The following CREB5 variants were observed in gnomAD, a reference collection of about 807,000 sequenced individuals.
The protein encoded by CREB5 is cAMP responsive element binding protein 5.
A neutral mutation model predicts 57.1 loss-of-function variants in CREB5; 19 were observed. The ratio of observed to expected loss-of-function variants is 0.33; its 90% CI spans 0.23 to 0.49. The LOEUF (loss-of-function observed/expected upper bound fraction) is 0.49, where lower values mean the gene tolerates loss of function less well. CREB5 is among the 20% of genes least tolerant of loss of function. The pLI, the probability that CREB5 is intolerant of heterozygous loss-of-function variation, is 0.99. For missense variants in CREB5, 579 were observed against 671.6 expected, an observed-to-expected ratio of 0.86 and a Z score of 1.52; for synonymous variants, 238 against 238.3, an observed-to-expected ratio of 1.00 and a Z score of 0.01.
intron 1 of CREB5, among the ~76,000 whole-genome samples, chr7:28,310,905 G>C (rs1785263764): frequency 6.6e-6 from 1 of 152,106 alleles, no homozygotes; most frequent in African/African-American, 2.4e-5. Context: ...ATTGTCTCAA[G>C]AATATCTGTT....
intron 5 of CREB5, among the ~76,000 whole-genome samples, chr7:28,715,415 A>G (rs1420420647): frequency 6.6e-6 from 1 of 152,228 alleles, no homozygotes; most frequent in Non-Finnish European, 1.5e-5. Flanking sequence ...GGGACAATAA[A>G]ATGCCTTTAA....
At chr7:28,783,266 C>T (rs574776712) in intron 7 of CREB5, among the ~76,000 whole-genome samples, 1 of 152,136 alleles carries the variant, frequency 6.6e-6, no homozygotes, top group African/African-American at 2.4e-5. Flanking sequence ...TCAGTGGCAC[C>T]ATTTTCGTGT....
intron 4 of CREB5, among the ~76,000 whole-genome samples, chr7:28,561,035 T>TGCGTGCGTGTGCGTGC (rs1562798715): frequency 1.1e-5 from 1 of 87,768 alleles, no homozygotes; most frequent in Non-Finnish European, 2.7e-5. Flanking sequence ...CGTGTGTGTG[T>TGCGTGCGTGTGCGTGC]GTGTGTGTGA....
At chr7:28,487,502 C>T (rs534195165) in intron 1 of CREB5, among the ~76,000 whole-genome samples, 43 of 152,278 alleles carry the variant, frequency 2.8e-4, no homozygotes, top group African/African-American at 9.9e-4. Context: ...AAATATCCAA[C>T]GTTATGTTTT....
chr7:28,701,641 T>G (rs1236930678), intron 5 of CREB5, among the ~76,000 whole-genome samples: 1 of 152,200 alleles, frequency 6.6e-6, no homozygotes, highest in Non-Finnish European at 1.5e-5. Flanking sequence ...TTTGAAAAAT[T>G]ACCTAGTCAG....
rs1809641464 is a variant in CREB5 at position 28,819,503 on chromosome 7, T to G, written c.*224T>G. On this transcript the variant is annotated 3_prime_UTR_variant, in exon 11 of 11. Transcript: ENST00000357727. ...TCTATCAGCTTGGGAAACGCTTTGG[T>G]GCTTTTCTCCAGTTTTCTGGTACCA... The G allele has an allele frequency of 4.2e-6, 2 of 471,728 alleles. No individual in the cohort carries two copies. Among genetic ancestry groups the G allele is most frequent in the Admixed American group, 4.0e-5 (1 of 25,296 alleles). The allele number at this position is 471,728 out of a possible 1,614,324, so 29.2% of individuals were successfully genotyped here. A position where few individuals can be genotyped will look rare whatever the true frequency, so the allele number is the denominator to read the frequency against.
chr7:28,662,047 A>G (rs965338346), intron 5 of CREB5, among the ~76,000 whole-genome samples: 2 of 152,202 alleles, frequency 1.3e-5, no homozygotes. Flanking sequence ...CCTGGGGACA[A>G]GGTGCTTGCC....
chr7:28,504,867 G>A (rs888144741), intron 3 of CREB5, among the ~76,000 whole-genome samples: 5 of 152,162 alleles, frequency 3.3e-5, no homozygotes, highest in East Asian at 3.9e-4. Context: ...CCTTTGCAAC[G>A]TTTGTCATAT....
At chr7:28,303,475 G>T (rs1785136463) in intron 1 of CREB5, among the ~76,000 whole-genome samples, 1 of 152,182 alleles carries the variant, frequency 6.6e-6, no homozygotes, top group East Asian at 1.9e-4. Flanking sequence ...TAACATTTGA[G>T]GATTTTAATG....
At chr7:28,405,253 C>A (rs1303743290) in intron 1 of CREB5, among the ~76,000 whole-genome samples, 2 of 152,184 alleles carry the variant, frequency 1.3e-5, no homozygotes, top group Non-Finnish European at 2.9e-5. Flanking sequence ...TGGGCTTCAG[C>A]AGCATCCCTT....
Position 28,825,779 on chromosome 7 carries a change from C to G in CREB5, c.*6500C>G, listed in dbSNP as rs936460261. 3.9e-5 allele frequency: 6 copies of G among 152,616 alleles called. No individual in the cohort carries two copies. The highest frequency in any genetic ancestry group is 1.4e-4 in the African/African-American group (6 of 41,452). 9.5% of individuals were successfully genotyped at this position (152,616 alleles called of 1,614,324 possible). ...GGACAATGAGTTCATTAAGACTGTTCAACTAGGTCAGATTTTTACATCTCT... is the reference window on the plus strand; with the variant it reads ...GGACAATGAGTTCATTAAGACTGTTGAACTAGGTCAGATTTTTACATCTCT... On this transcript the variant is annotated 3_prime_UTR_variant, in exon 11 of 11. Coordinates refer to ENST00000357727, the MANE Select transcript of CREB5 (RefSeq NM_182898.4).
intron 4 of CREB5, among the ~76,000 whole-genome samples, chr7:28,537,816 C>G (rs1205499832): frequency 1.3e-5 from 2 of 152,138 alleles, no homozygotes; most frequent in Non-Finnish European, 2.9e-5. Context: ...GGCATCCATT[C>G]TTTGTTTATA....
At chr7:28,738,189 T>A (rs1804141890) in intron 7 of CREB5, among the ~76,000 whole-genome samples, 1 of 152,250 alleles carries the variant, frequency 6.6e-6, no homozygotes, top group South Asian at 2.1e-4. Flanking sequence ...ATATTTGGAA[T>A]ACGTCTAGCC....
At chr7:28,560,877 T>TGTGCGC (rs1554344364) in intron 4 of CREB5, among the ~76,000 whole-genome samples, 1 of 30,862 alleles carries the variant, frequency 3.2e-5, no homozygotes, top group Non-Finnish European at 5.7e-5. Flanking sequence ...TGCGTGCGCG[T>TGTGCGC]GCGTGCGTGC....
rs56277510 is a variant in CREB5, at chr7:28,771,344, C to T, written c.703-32855C>T. Among the ~76,000 whole-genome samples the T allele has an allele frequency of 8.9e-3, 1,355 of 152,212 alleles. 11 individuals carry two copies. Among genetic ancestry groups the T allele is most frequent in the Non-Finnish European group, 0.014 (957 of 68,018 alleles). ...ATGAAAAAAATTCAGAGTCAGTTTA[C>T]GTTCCCTCATCAAGGGAGCCACCTT... is the stretch of plus-strand genomic sequence containing the variant. On this transcript the variant is annotated intron_variant, in intron 7 of 10. Coordinates refer to ENST00000357727, the MANE Select transcript of CREB5 (RefSeq NM_182898.4).
chr7:28,626,197 AT>A (rs1467734141), intron 5 of CREB5, among the ~76,000 whole-genome samples: 2 of 152,184 alleles, frequency 1.3e-5, no homozygotes, highest in African/African-American at 2.4e-5. Flanking sequence ...ACCTTAAAAG[AT>A]TGCTTCTTGT....
intron 1 of CREB5, among the ~76,000 whole-genome samples, chr7:28,477,793 C>T (rs929749557): frequency 1.4e-4 from 22 of 152,218 alleles, no homozygotes; most frequent in Non-Finnish European, 2.4e-4. Flanking sequence ...TTTTCTAGTC[C>T]ATGGAAATAA....
At chr7:28,642,986 A>ACACT in intron 5 of CREB5, among the ~76,000 whole-genome samples, 3 of 110,740 alleles carry the variant, frequency 2.7e-5, no homozygotes, top group African/African-American at 1.0e-4. Context: ...ACACACACAC[A>ACACT]TACACACACA....
chr7:28,761,647 T>G (rs954581398), intron 7 of CREB5, among the ~76,000 whole-genome samples: 31 of 152,038 alleles, frequency 2.0e-4, no homozygotes, highest in African/African-American at 7.5e-4. Context: ...CTGGAGCAAG[T>G]CATATAGCTA....
Sources: gnomAD v4.1 joint callset for allele counts (sites outside exome capture counted in the v4.1 genomes callset) on GRCh38, gnomAD v4.1.1 for gene constraint, MANE v1.5 for transcripts, NCBI Gene and HGNC (gene_info 2026-07-23, HGNC 2026-07-21) for gene names.